The following HTT variants were observed in gnomAD, a reference collection of about 807,000 sequenced individuals.
HTT encodes huntington disease protein.
HTT carries 104 observed loss-of-function variants against 362.3 expected under a neutral mutation model. The observed-to-expected ratio is 0.29, with a 90% confidence interval of 0.24 to 0.34. HTT has a LOEUF of 0.34. HTT is among the 10% of genes least tolerant of loss of function. HTT has a pLI of 1.00. For synonymous variants in HTT, 1,577 were observed against 1,548.7 expected (o/e 1.02, Z -0.43); for missense variants, 3,301 against 3,928.6 (o/e 0.84, Z 4.27).
intron 6 of HTT, among the ~76,000 whole-genome samples, chr4:3,112,205 C>G (rs938576162): frequency 7.2e-5 from 11 of 152,160 alleles, no homozygotes; most frequent in Admixed American, 6.5e-4. Context: ...TAGAAATCTC[C>G]CACCCTCTGG....
chr4:3,179,660 G>A (rs1035861960), intron 35 of HTT, among the ~76,000 whole-genome samples: 1 of 149,700 alleles, frequency 6.7e-6, no homozygotes, highest in Non-Finnish European at 1.5e-5. Flanking sequence ...TTGTGTGTGC[G>A]TACATGTCAC....
Position 3,137,655 on chromosome 4 carries a change from C to T in HTT, c.2798+1329C>T, listed in dbSNP as rs541623253. 5.3e-5 allele frequency among the ~76,000 whole-genome samples: 8 copies of T among 152,314 alleles called. No individual in the cohort carries two copies. In the South Asian group the frequency reaches 1.2e-3, roughly 24 times the overall value. On this transcript the variant is annotated intron_variant, in intron 21 of 66. Transcript: ENST00000355072. The stretch of plus-strand genomic sequence containing the variant: ...CGGAGGTTGCAGTGAGCAGAGATCG[C>T]GCCACTGCCTTCCAACCTGGGCAAC...
At chr4:3,147,277 C>A (rs1269788473) in intron 25 of HTT, among the ~76,000 whole-genome samples, 1 of 152,178 alleles carries the variant, frequency 6.6e-6, no homozygotes, top group East Asian at 1.9e-4. Context: ...GTATGGACTT[C>A]ATTCTCAAGT....
At position 3,175,077 on chromosome 4, in the gene HTT, G is replaced by T. The variant is rs1211828966; in HGVS notation, c.4377G>T (p.Arg1459=). 1 of 1,613,708 alleles carries T rather than the reference G, an allele frequency of 6.2e-7. No homozygotes were observed. The highest frequency in any genetic ancestry group is 8.5e-7 in the Non-Finnish European group (1 of 1,179,930). The part of the protein sequence containing the change: ...LDLLAQLVQL[R]VNYCLLDSDQ... ...TGCTGGCGCAGCTGGTTCAGTTACG[G>T]GTTAATTACTGTCTTCTGGATTCAG... The change falls in exon 33 of 67, where the codon CGG becomes CGT. Residue 1459 remains arginine (R), a synonymous_variant. Transcript: ENST00000355072.
At chr4:3,153,017 T>C (rs1222321015) in intron 26 of HTT, among the ~76,000 whole-genome samples, 2 of 152,108 alleles carry the variant, frequency 1.3e-5, no homozygotes, top group Non-Finnish European at 2.9e-5. Flanking sequence ...ATTGTAGCCA[T>C]TCATCCTATT....
Position 3,212,019 on chromosome 4 carries a change from C to T in HTT, c.6505C>T (p.Arg2169Cys), listed in dbSNP as rs770333490. 16 of 1,614,116 alleles carry T rather than the reference C, an allele frequency of 9.9e-6. No individual in the cohort carries two copies. Among genetic ancestry groups the T allele is most frequent in the South Asian group, 2.2e-5 (2 of 91,086 alleles). The change falls in exon 48 of 67, where the codon CGT becomes TGT. Residue 2169 changes from arginine (R) to cysteine (C), a missense_variant. By Grantham distance (180) the Arg-to-Cys change is radical. Coordinates refer to ENST00000355072, the MANE Select transcript of HTT (RefSeq NM_001388492.1). The part of the protein sequence containing the change: ...GQKSALFEAA[R>C]EVTLARVSGT... ...GAAGAGTGCCCTTTTTGAAGCAGCC[C>T]GTGAGGTGACTCTGGCCCGTGTGAG...
At chr4:3,131,600 G>A in intron 15 of HTT, 38 bp from the exon 16 acceptor site, 1 of 1,607,358 alleles carries the variant, frequency 6.2e-7, no homozygotes, top group East Asian at 2.2e-5. Flanking sequence ...ACAATCTGTT[G>A]TTTGAGGCTG....
chr4:3,222,954 G>A (rs1402060867), intron 54 of HTT, among the ~76,000 whole-genome samples: 1 of 152,220 alleles, frequency 6.6e-6, no homozygotes, highest in Non-Finnish European at 1.5e-5. Context: ...GGAGCCAGCA[G>A]AATGGGAAGT....
rs774079991 is a variant in HTT, at chr4:3,154,380, G to A, written c.3586G>A (p.Val1196Ile). Residue 1196 changes from valine (V) to isoleucine (I), a missense_variant, in exon 27 of 67, where the codon GTA (valine) becomes ATA (isoleucine). By Grantham distance (29) the Val-to-Ile change is conservative. Around this residue, in one of 4 missense-constraint regions of HTT, gnomAD observed 2,316 missense variants for 2,658.5 expected, o/e 0.87. Coordinates refer to ENST00000355072, the MANE Select transcript of HTT (RefSeq NM_001388492.1). ...KEKEPGEQAS[V>I]PLSPKKGSEA... ...GAAAGAACCAGGAGAACAAGCATCT[G>A]TACCGTTGAGTCCCAAGAAAGGCAG... The A allele has an allele frequency of 6.2e-7, 1 of 1,613,994 alleles. No homozygotes were observed. The highest frequency in any genetic ancestry group is 8.5e-7 in the Non-Finnish European group (1 of 1,179,932).
intron 29 of HTT, among the ~76,000 whole-genome samples, chr4:3,167,434 C>T (rs1717772863): frequency 6.6e-6 from 1 of 152,140 alleles, no homozygotes; most frequent in Admixed American, 6.5e-5. Flanking sequence ...TTTTAGTGGC[C>T]AGCAGTCTCC....
intron 18 of HTT, 114 bp downstream of exon 18, chr4:3,133,025 A>G: frequency 1.3e-6 from 1 of 786,942 alleles, no homozygotes; most frequent in Non-Finnish European, 2.2e-6. Context: ...AGCTGTAACC[A>G]GTAATACCCA....
Position 3,105,450 on chromosome 4 carries a change from T to G in HTT, c.608+14T>G. ...TCAGAAATGCAGGTAAGTTGTACAC[T>G]CTGGATGTTGGTTTTTGTCGGGGGC... On this transcript the variant is annotated intron_variant, in intron 5 of 66. Coordinates refer to ENST00000355072, the MANE Select transcript of HTT (RefSeq NM_001388492.1). The G allele has an allele frequency of 1.3e-6, 2 of 1,587,292 alleles. No homozygotes were observed. The highest frequency in any genetic ancestry group is 3.3e-4 in the Middle Eastern group (2 of 6,024).
intron 42 of HTT, 33 bp downstream of exon 42, chr4:3,204,181 G>A (rs904509387): frequency 6.2e-7 from 1 of 1,612,418 alleles, no homozygotes; most frequent in African/African-American, 1.3e-5. Flanking sequence ...CGGGGTTGAG[G>A]GAGGTGGGGA....
Position 3,222,709 on chromosome 4 carries a change from G to A in HTT, c.7470+222G>A, listed in dbSNP as rs1181901720. 3.3e-5 allele frequency among the ~76,000 whole-genome samples: 5 copies of A among 152,144 alleles called. No individual in the cohort carries two copies. The East Asian group carries it at 5.8e-4, about 18-fold the overall frequency. On this transcript the variant is annotated intron_variant, in intron 54 of 66. Coordinates refer to ENST00000355072, the MANE Select transcript of HTT (RefSeq NM_001388492.1). The stretch of plus-strand genomic sequence containing the variant: ...CAATGGCTGGAATGCATTTTATTAC[G>A]GTGCATTCCATGTTAAGGATCAATA...
chr4:3,186,822 G>T, intron 38 of HTT, 103 bp downstream of exon 38: 1 of 974,394 alleles, frequency 1.0e-6, no homozygotes, highest in South Asian at 1.6e-5. Flanking sequence ...TTTGGGTAGG[G>T]CTTCTTGAGA....
intron 15 of HTT, 50 bp from the exon 16 acceptor site, chr4:3,131,588 A>G: frequency 6.2e-7 from 1 of 1,603,602 alleles, no homozygotes; most frequent in Non-Finnish European, 8.5e-7. Context: ...GTTCATTTGA[A>G]AACAATCTGT....
At chr4:3,178,130 A>G (rs1295582174) in intron 34 of HTT, among the ~76,000 whole-genome samples, 168 bp from the exon 35 acceptor site, 1 of 152,216 alleles carries the variant, frequency 6.6e-6, no homozygotes, top group Non-Finnish European at 1.5e-5. Flanking sequence ...GCGCGAGGGC[A>G]CAGATGGGAT....
At chr4:3,144,095 G>A (rs1022134785) in intron 23 of HTT, among the ~76,000 whole-genome samples, 7 of 152,060 alleles carry the variant, frequency 4.6e-5, no homozygotes, top group African/African-American at 1.7e-4. Context: ...AACCTGGTGG[G>A]GGTATAGTCG....
chr4:3,228,838 A>G lies in HTT; in HGVS notation c.7980-42A>G. 2 of 1,591,476 alleles carry G rather than the reference A, an allele frequency of 1.3e-6. No homozygotes were observed. The highest frequency in any genetic ancestry group is 1.7e-6 in the Non-Finnish European group (2 of 1,161,930). ...AGGTGCTTCTTGAAATGAGCCTCTC[A>G]TCTCATGTACTTGGAAAATACCCAT... On this transcript the variant is annotated intron_variant, in intron 58 of 66. Coordinates refer to ENST00000355072, the MANE Select transcript of HTT (RefSeq NM_001388492.1). The surrounding 1 kb of genome is among the most constrained non-coding windows in gnomAD (Gnocchi z 4.3).
Sources: gnomAD v4.1 joint callset for allele counts (sites outside exome capture counted in the v4.1 genomes callset) on GRCh38, gnomAD v4.1.1 for gene constraint, gnomAD v4.1.1 regional missense constraint, Gnocchi (gnomAD v3.1) non-coding constraint, MANE v1.5 for transcripts, NCBI Gene and HGNC (gene_info 2026-07-23, HGNC 2026-07-21) for gene names.